The following CPB1 variants were observed in gnomAD, a reference collection of about 807,000 sequenced individuals.
The protein encoded by CPB1 is carboxypeptidase B1, also known as carboxypeptidase B.
In CPB1, 53 loss-of-function variants were observed where a neutral mutation model predicts 51.4. The ratio of observed to expected loss-of-function variants is 1.03; its 90% CI spans 0.83 to 1.30. CPB1 has a LOEUF of 1.30. Among genes scored for constraint, CPB1 ranks in the 50% most tolerant of loss-of-function variants. The pLI is 0.00. For missense variants in CPB1, 494 were observed against 516.2 expected (o/e 0.96, Z 0.42); for synonymous variants, 189 against 186.9 (o/e 1.01, Z -0.09).
chr3:148,859,794 A>G, intron 10 of CPB1, 21 bp from the exon 11 acceptor site: 1 of 1,555,318 alleles, frequency 6.4e-7, no homozygotes, highest in East Asian at 2.3e-5. Flanking sequence ...GTTTTTTTTC[A>G]CTGCTGTTTG....
intron 3 of CPB1, chr3:148,838,398 G>T (rs1253453872): frequency 6.6e-6 from 1 of 151,574 alleles, no homozygotes; most frequent in African/African-American, 2.4e-5. Context: ...GTTCCGAGAA[G>T]CTCATCCTTA....
chr3:148,834,945 A>T (rs899833198), intron 3 of CPB1, among the ~76,000 whole-genome samples: 12 of 152,212 alleles, frequency 7.9e-5, no homozygotes, highest in Non-Finnish European at 1.5e-4. Flanking sequence ...AGCTAGACAT[A>T]GTTTTAACCC....
chr3:148,827,899 G>A lies in CPB1; in HGVS notation c.71+5G>A, dbSNP rs369943964. 7.4e-5 allele frequency: 119 copies of A among 1,613,996 alleles called. No homozygotes were observed. Among genetic ancestry groups the A allele is most frequent in the Non-Finnish European group, 9.2e-5 (108 of 1,179,996 alleles). ...TGGTGGTGAGCACTTTGAAGGGTAAGTAAGCCATCTTTAAGGAGCAAGTCC... is the reference window on the plus strand; with the variant it reads ...TGGTGGTGAGCACTTTGAAGGGTAAATAAGCCATCTTTAAGGAGCAAGTCC... On this transcript the variant is annotated splice_donor_5th_base_variant and intron_variant, in intron 1 of 10. Coordinates refer to ENST00000282957, the MANE Select transcript of CPB1 (RefSeq NM_001871.3).
At chr3:148,847,398 AC>A (rs1385422649) in intron 9 of CPB1, among the ~76,000 whole-genome samples, 7 of 129,040 alleles carry the variant, frequency 5.4e-5, no homozygotes, top group African/African-American at 8.8e-5. Context: ...AAAAAAAAAG[AC>A]AAGTAAGTCC....
chr3:148,847,422 A>G (rs1713290092), intron 9 of CPB1, among the ~76,000 whole-genome samples: 1 of 149,872 alleles, frequency 6.7e-6, no homozygotes, highest in African/African-American at 2.4e-5. Context: ...CCTTTAGAAT[A>G]TTATGAATAA....
rs777526007 is a variant in CPB1, at chr3:148,845,603, C to T, written c.958C>T (p.Leu320Phe). Residue 320 changes from leucine (L) to phenylalanine (F), a missense_variant, in exon 9 of 11, where the codon CTC (leucine) becomes TTC (phenylalanine). Leu to Phe is a conservative substitution (Grantham distance 22). Coordinates refer to ENST00000282957, the MANE Select transcript of CPB1 (RefSeq NM_001871.3). ...MIYPYSYAYK[L>F]GENNAELNAL... ...CTACCCTTACTCATATGCTTACAAA[C>T]TCGGTGAGAACAATGCTGAGTTGGT... 1.2e-6 allele frequency: 2 copies of T among 1,613,656 alleles called. No individual in the cohort carries two copies. The highest frequency in any genetic ancestry group is 1.7e-6 in the Non-Finnish European group (2 of 1,179,652).
rs1321207493 is a variant in CPB1, at chr3:148,841,818, A to T, written c.475-5A>T. The stretch of plus-strand genomic sequence containing the variant: ...TGGTTTCCCTTTTCCTTTTGTTTGC[A>T]ATAGGTTGGCAAAGCTGGACAAAAT... On this transcript the variant is annotated splice_region_variant and splice_polypyrimidine_tract_variant and intron_variant, in intron 5 of 10. Transcript: ENST00000282957. 6.2e-7 allele frequency: 1 copy of T among 1,612,756 alleles called. No individual in the cohort carries two copies. The highest frequency in any genetic ancestry group is 1.3e-5 in the African/African-American group (1 of 74,970).
intron 2 of CPB1, among the ~76,000 whole-genome samples, chr3:148,829,566 C>G (rs1167925631): frequency 1.3e-5 from 2 of 152,304 alleles, no homozygotes; most frequent in Admixed American, 1.3e-4. Flanking sequence ...TTTAGATTTA[C>G]ACTTTTAAGA....
rs1713056278 is a variant in CPB1 at position 148,840,921 on chromosome 3, C to G, written c.420C>G (p.Ile140Met). 6.2e-7 allele frequency: 1 copy of G among 1,614,174 alleles called. No individual in the cohort carries two copies. Among genetic ancestry groups the G allele is most frequent in the Non-Finnish European group, 8.5e-7 (1 of 1,180,022 alleles). Residue 140 changes from isoleucine (I) to methionine (M), a missense_variant, in exon 5 of 11, where the codon ATC becomes ATG. Transcript: ENST00000282957. ...TCGCCACTGAGAATCCAGCCCTCAT[C>G]TCTCGCAGTGTTATCGGAACCACAT... ...QQVATENPAL[I>M]SRSVIGTTFE...
chr3:148,829,009 G>C (rs1033765266), intron 2 of CPB1, among the ~76,000 whole-genome samples: 1 of 152,108 alleles, frequency 6.6e-6, no homozygotes, highest in Admixed American at 6.5e-5. Context: ...ACCTGTTTGA[G>C]TACTTCCAGG....
intron 3 of CPB1, among the ~76,000 whole-genome samples, chr3:148,836,931 A>AT (rs1712922470): frequency 6.6e-6 from 1 of 152,094 alleles, no homozygotes; most frequent in Non-Finnish European, 1.5e-5. Flanking sequence ...AACTTTTCAG[A>AT]TTTTTTCAGT....
chr3:148,857,498 G>C lies in CPB1; in HGVS notation c.1023G>C (p.Leu341=), dbSNP rs1713614680. ...AKATVKELAS[L]HGTKYTYGPG... ...CTACTGTGAAAGAACTTGCCTCACTGCACGGCACCAAGTACACATATGGCC... is the reference window on the plus strand; with the variant it reads ...CTACTGTGAAAGAACTTGCCTCACTCCACGGCACCAAGTACACATATGGCC... The change falls in exon 10 of 11, where the codon CTG becomes CTC. Residue 341 remains leucine (L), a synonymous_variant. Transcript: ENST00000282957. 6.2e-7 allele frequency: 1 copy of C among 1,613,944 alleles called. No homozygotes were observed. Among genetic ancestry groups the C allele is most frequent in the Non-Finnish European group, 8.5e-7 (1 of 1,179,920 alleles).
chr3:148,851,028 C>T (rs1017375429), intron 9 of CPB1: 2 of 152,182 alleles, frequency 1.3e-5, no homozygotes, highest in African/African-American at 4.8e-5. Flanking sequence ...CAGTACATGG[C>T]TTATCAATCA....
chr3:148,859,588 G>A (rs1713690105), intron 10 of CPB1, among the ~76,000 whole-genome samples: 1 of 152,162 alleles, frequency 6.6e-6, no homozygotes, highest in South Asian at 2.1e-4. Flanking sequence ...ACTTTCTGAA[G>A]TATTAAACAC....
At chr3:148,845,736 T>A (rs567994922) in intron 9 of CPB1, 110 bp downstream of exon 9, 2 of 829,000 alleles carry the variant, frequency 2.4e-6, no homozygotes, top group South Asian at 4.0e-5. Context: ...TTTATTGATT[T>A]TTTTGGTAGT....
chr3:148,835,346 A>C (rs1712872105), intron 3 of CPB1, among the ~76,000 whole-genome samples: 1 of 152,216 alleles, frequency 6.6e-6, no homozygotes, highest in African/African-American at 2.4e-5. Flanking sequence ...GGGAAAACAG[A>C]CTTTAAATAA....
At chr3:148,850,011 C>T (rs1001001611) in intron 9 of CPB1, among the ~76,000 whole-genome samples, 2 of 152,186 alleles carry the variant, frequency 1.3e-5, no homozygotes, top group African/African-American at 4.8e-5. Context: ...CCACACAGTA[C>T]ATCATAATTA....
chr3:148,834,479 T>C lies in CPB1; in HGVS notation c.148-19T>C. 6.2e-7 allele frequency: 1 copy of C among 1,610,416 alleles called. No homozygotes were observed. Among genetic ancestry groups the C allele is most frequent in the South Asian group, 1.1e-5 (1 of 90,940 alleles). On this transcript the variant is annotated intron_variant, in intron 2 of 10. Transcript: ENST00000282957. ...TCCATTGAATTATAGGTATCCAATATATCTTGTCCTTTATTCAGATTGACT... is the reference window on the plus strand; with the variant it reads ...TCCATTGAATTATAGGTATCCAATACATCTTGTCCTTTATTCAGATTGACT...
At chr3:148,847,692 A>G (rs1713298298) in intron 9 of CPB1, among the ~76,000 whole-genome samples, 1 of 152,174 alleles carries the variant, frequency 6.6e-6, no homozygotes, top group Admixed American at 6.5e-5. Context: ...GTAGAATTCT[A>G]CCGAAGTAAA....
Sources: gnomAD v4.1 joint callset for allele counts (sites outside exome capture counted in the v4.1 genomes callset) on GRCh38, gnomAD v4.1.1 for gene constraint, MANE v1.5 for transcripts, NCBI Gene and HGNC (gene_info 2026-07-23, HGNC 2026-07-21) for gene names.